RIN2: variants seen among roughly 807,000 people sequenced by gnomAD.
The protein encoded by RIN2 is RAB5 interacting protein 2.
A neutral mutation model predicts 78.0 loss-of-function variants in RIN2; 36 were observed. That is an observed-to-expected ratio of 0.46 (90% CI 0.35 to 0.61). The LOEUF (loss-of-function observed/expected upper bound fraction) is 0.61. Among genes scored for constraint, RIN2 ranks in the 20% least tolerant of loss-of-function variants. The pLI is 0.00. For missense variants in RIN2, 1,087 were observed against 1,159.7 expected (o/e 0.94, Z 0.91); for synonymous variants, 466 against 466.8 (o/e 1.00, Z 0.02).
In RIN2 at chr20:19,975,220, G is replaced by T. The variant is rs1249749730; in HGVS notation, c.1195G>T (p.Ala399Ser). Reference protein sequence around the residue: ...ELGTAGSPGGAPPEAAPGDCT... With the variant: ...ELGTAGSPGGSPPEAAPGDCT... ...GGGCACAGCTGGCAGCCCAGGTGGGGCCCCGCCTGAGGCCGCCCCGGGGGA... is the reference window on the plus strand; with the variant it reads ...GGGCACAGCTGGCAGCCCAGGTGGGTCCCCGCCTGAGGCCGCCCCGGGGGA... Residue 399 changes from alanine to serine, a missense_variant, in exon 9 of 13, where the codon GCC becomes TCC. Around this residue, in one of 8 missense-constraint regions of RIN2, gnomAD observed 706 missense variants for 667.5 expected, o/e 1.06. Transcript: ENST00000255006. This position sits in a 1 kb window ranked among gnomAD's most constrained non-coding sequence, Gnocchi z 4.9. 3 of 1,589,512 alleles carry T rather than the reference G, an allele frequency of 1.9e-6. No homozygotes were observed. In the East Asian group the frequency reaches 6.9e-5, roughly 36 times the overall value.
At chr20:19,900,281 C>A (rs1465129698) in intron 3 of RIN2, among the ~76,000 whole-genome samples, 1 of 150,606 alleles carries the variant, frequency 6.6e-6, no homozygotes, top group African/African-American at 2.4e-5. Context: ...GTCAGGAGTT[C>A]AAGACCAGCC....
At chr20:19,935,239 G>T (rs1279198579) in intron 4 of RIN2, 40 bp downstream of exon 4, 4 of 1,526,068 alleles carry the variant, frequency 2.6e-6, no homozygotes, top group Non-Finnish European at 3.6e-6. Context: ...GCGAGAAAGG[G>T]ATCGAGTGAA....
chr20:19,843,815 C>T (rs957321394), intron 2 of RIN2, among the ~76,000 whole-genome samples: 1 of 152,026 alleles, frequency 6.6e-6, no homozygotes, highest in Non-Finnish European at 1.5e-5. Flanking sequence ...TTGAAAAGAA[C>T]TAATCATATT....
At chr20:19,809,091 G>T (rs2035505668) in intron 2 of RIN2, 1 of 152,354 alleles carries the variant, frequency 6.6e-6, no homozygotes, top group Non-Finnish European at 1.5e-5. Flanking sequence ...GGACCTAGGT[G>T]AGCTTCTGAA....
intron 11 of RIN2, among the ~76,000 whole-genome samples, chr20:19,993,593 C>T (rs1440303306): frequency 6.6e-6 from 1 of 152,040 alleles, no homozygotes; most frequent in Non-Finnish European, 1.5e-5. Flanking sequence ...GAATGGGCCT[C>T]TTTCATGCTT....
chr20:19,757,922 T>C (rs1335654806), upstream of RIN2: 1 of 152,468 alleles, frequency 6.6e-6, no homozygotes, highest in Non-Finnish European at 1.5e-5. Flanking sequence ...GGTTGCAGCC[T>C]GGGTTCCTTG....
chr20:19,928,861 G>T (rs996390116), intron 3 of RIN2, among the ~76,000 whole-genome samples: 4 of 152,162 alleles, frequency 2.6e-5, no homozygotes, highest in African/African-American at 9.7e-5. Context: ...AGCTTCTAAA[G>T]GCAACACATC....
At chr20:19,871,967 T>C (rs2037703899) in intron 2 of RIN2, 1 of 152,034 alleles carries the variant, frequency 6.6e-6, no homozygotes, top group Non-Finnish European at 1.5e-5. Context: ...ATGAACAGGG[T>C]GGGTGATATG....
chr20:19,911,301 C>T (rs771924589), intron 3 of RIN2, among the ~76,000 whole-genome samples: 23 of 152,188 alleles, frequency 1.5e-4, no homozygotes, highest in Non-Finnish European at 3.2e-4. Context: ...GATCTGTGCG[C>T]CTTGGCCTCC....
chr20:19,990,428 C>G, intron 10 of RIN2, 117 bp downstream of exon 10: 2 of 958,030 alleles, frequency 2.1e-6, no homozygotes, highest in East Asian at 5.3e-5. Context: ...CTTGATTTCA[C>G]CAAGTGGCTT....
intron 3 of RIN2, among the ~76,000 whole-genome samples, chr20:19,934,846 G>A (rs1271771321): frequency 6.6e-6 from 1 of 151,380 alleles, no homozygotes; most frequent in Non-Finnish European, 1.5e-5. Flanking sequence ...TAACAAACTG[G>A]GTGTCATATT....
chr20:19,791,091 G>A (rs925513756), intron 1 of RIN2, among the ~76,000 whole-genome samples: 8 of 152,178 alleles, frequency 5.3e-5, no homozygotes, highest in African/African-American at 1.9e-4. Context: ...AGAAAAACAG[G>A]ACTTCATGTG....
Position 19,844,602 on chromosome 20 carries a change from T to TGCTG in RIN2, c.-37+44855_-37+44856insGCTG, listed in dbSNP as rs1286885464. On this transcript the variant is annotated intron_variant, in intron 2 of 12. Coordinates refer to ENST00000255006, the MANE Select transcript of RIN2 (RefSeq NM_018993.4). ...TGCTGCTGCTGCTGCTGCTTCTTCC[T>TGCTG]CTTCTTCTTCTTCTTCTTCTTCTTC... 2.3e-3 allele frequency among the ~76,000 whole-genome samples: 35 copies of TGCTG among 15,542 alleles called. 1 individual carries two copies. Among genetic ancestry groups the TGCTG allele is most frequent in the Admixed American group, 5.3e-3 (7 of 1,312 alleles). The allele number at this position is 15,542 out of a possible 152,430, so 10.2% of individuals were successfully genotyped here.
chr20:19,973,164 C>T (rs1408619861), intron 8 of RIN2, among the ~76,000 whole-genome samples: 1 of 152,124 alleles, frequency 6.6e-6, no homozygotes. Context: ...GATACTTAAA[C>T]GTTTTCCAGT....
intron 2 of RIN2, among the ~76,000 whole-genome samples, chr20:19,825,184 C>G (rs1378606155): frequency 6.6e-6 from 1 of 152,190 alleles, no homozygotes; most frequent in Admixed American, 6.5e-5. Flanking sequence ...CATACAAGAC[C>G]CTCCCTATAT....
In RIN2 at chr20:19,805,433, A is replaced by G. The variant is rs140019703; in HGVS notation, c.-37+5686A>G. Among the ~76,000 whole-genome samples, 1,058 of 152,108 alleles carry G rather than the reference A, an allele frequency of 7.0e-3. 10 individuals are homozygous for G. Among genetic ancestry groups the G allele is most frequent in the African/African-American group, 0.024 (1,007 of 41,508 alleles). On this transcript the variant is annotated intron_variant, in intron 2 of 12. Transcript: ENST00000255006. ...TATTTTTTTTCTGAGATGAAGTCTC[A>G]CTCTGTCACCCAGGCTGGAGTGCAG...
chr20:19,902,789 T>C lies in RIN2; in HGVS notation c.57+13131T>C, dbSNP rs537794905. Among the ~76,000 whole-genome samples, 4 of 152,310 alleles carry C rather than the reference T, an allele frequency of 2.6e-5. No individual in the cohort carries two copies. In the South Asian group the frequency reaches 6.2e-4, roughly 24 times the overall value. ...TACTTATACTAAAAAACATTATTCA[T>C]TATTTATCAAAAATTTAAATTTGGC... is the stretch of plus-strand genomic sequence containing the variant. On this transcript the variant is annotated intron_variant, in intron 3 of 12. Coordinates refer to ENST00000255006, the MANE Select transcript of RIN2 (RefSeq NM_018993.4).
rs551878274 is a variant in RIN2 at position 19,998,902 on chromosome 20, C to T, written c.2365-1711C>T. ...CTTTCCCCACCTGCCAACACACCCT[C>T]CTCCACCTCTTCACCTGGAGACCCT... is the stretch of plus-strand genomic sequence containing the variant. On this transcript the variant is annotated intron_variant, in intron 12 of 12. Transcript: ENST00000255006. Among the ~76,000 whole-genome samples the T allele has an allele frequency of 1.1e-4, 17 of 152,312 alleles. 1 individual carries two copies. The South Asian group carries it at 2.9e-3, about 26-fold the overall frequency.
chr20:19,907,787 G>A (rs905558308), intron 3 of RIN2, among the ~76,000 whole-genome samples: 3 of 152,168 alleles, frequency 2.0e-5, no homozygotes, highest in Non-Finnish European at 4.4e-5. Flanking sequence ...CCTCACCTGG[G>A]TAAATACTGG....
Sources: gnomAD v4.1 joint callset for allele counts (sites outside exome capture counted in the v4.1 genomes callset) on GRCh38, gnomAD v4.1.1 for gene constraint, gnomAD v4.1.1 regional missense constraint, Gnocchi (gnomAD v3.1) non-coding constraint, MANE v1.5 for transcripts, NCBI Gene and HGNC (gene_info 2026-07-23, HGNC 2026-07-21) for gene names.